ALMS1: variants seen among roughly 807,000 people sequenced by gnomAD.
The protein encoded by ALMS1 is centrosome-associated protein ALMS1.
Under a neutral mutation model 352.2 loss-of-function variants are expected in ALMS1, and 271 were observed. The ratio of observed to expected loss-of-function variants is 0.77; its 90% confidence interval spans 0.70 to 0.85. ALMS1 has a LOEUF of 0.85. ALMS1 is among the 40% of genes least tolerant of loss of function. The pLI is 0.00. For synonymous variants in ALMS1, 1,865 were observed against 1,761.2 expected, an observed-to-expected ratio of 1.06 and a Z score of -1.48; for missense variants, 5,445 against 4,870.7, an observed-to-expected ratio of 1.12 and a Z score of -3.51.
chr2:73,572,467 T>G lies in ALMS1; in HGVS notation c.10590T>G (p.Leu3530=). The change falls in exon 16 of 23, where the codon CTT becomes CTG. Residue 3530 remains leucine, a synonymous_variant. Coordinates refer to ENST00000613296, the MANE Select transcript of ALMS1 (RefSeq NM_001378454.1). ...DKHREHMCLP[L]PYQNMDKTKT... is the part of the protein sequence containing the mutation. ...ATAGAGAACACATGTGTCTTCCTCT[T>G]CCTTATCAAAACATGGACAAGACTA... 1.9e-6 allele frequency: 3 copies of G among 1,613,994 alleles called. No homozygotes were observed. Among genetic ancestry groups the G allele is most frequent in the Non-Finnish European group, 2.5e-6 (3 of 1,179,986 alleles).
rs1327120776 is a variant in ALMS1, at chr2:73,448,031, G to T, written c.1504G>T (p.Val502Phe). 1.2e-6 allele frequency: 2 copies of T among 1,613,936 alleles called. No homozygotes were observed. The highest frequency in any genetic ancestry group is 1.3e-5 in the African/African-American group (1 of 75,030). ...GAAGTCAGGCATCACTACCACTCCT[G>T]TTGATTCAGACATTGGATCTCATTT... ...NLKSGITTTP[V>F]DSDIGSHLSL... The change falls in exon 8 of 23, where the codon GTT becomes TTT. Residue 502 changes from valine (V) to phenylalanine (F), a missense_variant. Transcript: ENST00000613296.
intron 16 of ALMS1, among the ~76,000 whole-genome samples, chr2:73,593,314 G>C (rs1437486812): frequency 1.3e-5 from 2 of 152,092 alleles, no homozygotes; most frequent in Non-Finnish European, 2.9e-5. Flanking sequence ...CACATGGCAC[G>C]GTTCTGACAG....
At chr2:73,469,493 ACT>A (rs1001863951) in intron 9 of ALMS1, 2 of 151,876 alleles carry the variant, frequency 1.3e-5, no homozygotes, top group African/African-American at 4.8e-5. Context: ...ATAACATATA[ACT>A]CTCGTTAGGT....
chr2:73,601,824 C>A (rs1224187647), intron 19 of ALMS1, among the ~76,000 whole-genome samples: 1 of 152,196 alleles, frequency 6.6e-6, no homozygotes, highest in Admixed American at 6.5e-5. Flanking sequence ...GAAACCAGGT[C>A]TCTTCTGATG....
intron 12 of ALMS1, among the ~76,000 whole-genome samples, chr2:73,535,735 A>C (rs1674013589): frequency 1.3e-5 from 2 of 152,116 alleles, no homozygotes; most frequent in Admixed American, 1.3e-4. Context: ...TCCTATGGAG[A>C]TTTTAAGTTA....
intron 16 of ALMS1, among the ~76,000 whole-genome samples, chr2:73,588,156 A>C (rs1372421312): frequency 6.6e-6 from 1 of 152,224 alleles, no homozygotes; most frequent in Non-Finnish European, 1.5e-5. Context: ...ATCCTCCTTA[A>C]ATCATTATGT....
At chr2:73,532,760 T>A (rs1408746780) in intron 11 of ALMS1, among the ~76,000 whole-genome samples, 1 of 151,812 alleles carries the variant, frequency 6.6e-6, no homozygotes, top group Non-Finnish European at 1.5e-5. Flanking sequence ...CAAAACAAAG[T>A]CCTATTTAAT....
At chr2:73,573,576 C>A in intron 16 of ALMS1, 152 bp downstream of exon 16, 1 of 793,506 alleles carries the variant, frequency 1.3e-6, no homozygotes, top group Non-Finnish European at 2.2e-6. Flanking sequence ...AAGTGTAGTA[C>A]AGTGCTATTG....
At position 73,432,297 on chromosome 2, in the gene ALMS1, T is replaced by C; in HGVS notation, c.1432+6T>C. On this transcript the variant is annotated splice_donor_region_variant and intron_variant, in intron 7 of 22. Coordinates refer to ENST00000613296, the MANE Select transcript of ALMS1 (RefSeq NM_001378454.1). ...TCCTAAACATTTAAAAGCAGGTACGTAGAAAAAGGAGATAGTAAATGTCCT... is the reference window on the plus strand; with the variant it reads ...TCCTAAACATTTAAAAGCAGGTACGCAGAAAAAGGAGATAGTAAATGTCCT... The C allele has an allele frequency of 6.3e-7, 1 of 1,597,424 alleles. No individual in the cohort carries two copies. The highest frequency in any genetic ancestry group is 1.3e-5 in the African/African-American group (1 of 74,678).
Position 73,609,828 on chromosome 2 carries a change from G to T in ALMS1, c.*216G>T. ...GCATAGTGGCCTTGTCCAATGGCCTGTGTGTTACAATGATATGATCATTTC... is the reference window on the plus strand; with the variant it reads ...GCATAGTGGCCTTGTCCAATGGCCTTTGTGTTACAATGATATGATCATTTC... On this transcript the variant is annotated 3_prime_UTR_variant, in exon 23 of 23. Coordinates refer to ENST00000613296, the MANE Select transcript of ALMS1 (RefSeq NM_001378454.1). The T allele has an allele frequency of 1.8e-6, 1 of 561,986 alleles. No individual in the cohort carries two copies. The highest frequency in any genetic ancestry group is 3.1e-5 in the East Asian group (1 of 32,222). The allele number at this position is 561,986 out of a possible 1,614,324, so 34.8% of individuals were successfully genotyped here.
At chr2:73,432,312 G>T (rs755499539) in intron 7 of ALMS1, 21 bp downstream of exon 7, 1 of 1,544,496 alleles carries the variant, frequency 6.5e-7, no homozygotes, top group Non-Finnish European at 9.0e-7. Flanking sequence ...AAAGGAGATA[G>T]TAAATGTCCT....
chr2:73,591,148 T>C (rs1675424913), intron 16 of ALMS1, among the ~76,000 whole-genome samples: 1 of 152,158 alleles, frequency 6.6e-6, no homozygotes, highest in African/African-American at 2.4e-5. Flanking sequence ...TGTGTTAATA[T>C]TGGAATAAAT....
rs1572964646 is a variant in ALMS1 at position 73,485,220 on chromosome 2, T to C, written c.7675-4414T>C. Among the ~76,000 whole-genome samples the C allele has an allele frequency of 3.3e-5, 5 of 152,356 alleles. 2 individuals are homozygous for C. The highest frequency in any genetic ancestry group is 3.3e-4 in the Admixed American group (5 of 15,308). On this transcript the variant is annotated intron_variant, in intron 9 of 22. Transcript: ENST00000613296. ...TCTTTGTGGTTTTATCTACTTTTGG[T>C]CTTTGATGATGGTGATGTACAGATG...
rs572496375 is a variant in ALMS1 at position 73,419,046 on chromosome 2, G to A, written c.451-77G>A. ...TAGGAAGCTATATAATACATGAGTG[G>A]ACATTTTCATCTAAATATTAATATG... is the stretch of plus-strand genomic sequence containing the variant. On this transcript the variant is annotated intron_variant, in intron 2 of 22. Transcript: ENST00000613296. 6.4e-5 allele frequency: 78 copies of A among 1,214,716 alleles called. No individual in the cohort carries two copies. In the South Asian group the frequency reaches 8.7e-4, roughly 14 times the overall value. The allele number at this position is 1,214,716 out of a possible 1,614,324, so 75.2% of individuals were successfully genotyped here.
rs575305602 is a variant in ALMS1, at chr2:73,519,872, C to G, written c.9637C>G (p.Leu3213Val). ...AACAACAGAAAGTCCAGAAAAGACC[C>G]TATTTTCATCTGAGATTTTTATTAA... ...QITTESPEKT[L>V]FSSEIFINAE... The change falls in exon 11 of 23, where the codon CTA becomes GTA. Residue 3213 changes from leucine to valine, a missense_variant. By Grantham distance (32) the Leu-to-Val change is conservative. Transcript: ENST00000613296. The G allele has an allele frequency of 3.9e-5, 63 of 1,614,076 alleles. No individual in the cohort carries two copies. The South Asian group carries it at 6.4e-4, about 16-fold the overall frequency.
At chr2:73,544,588 C>T (rs1674272270) in intron 12 of ALMS1, among the ~76,000 whole-genome samples, 1 of 152,082 alleles carries the variant, frequency 6.6e-6, no homozygotes, top group African/African-American at 2.4e-5. Flanking sequence ...AAATTGGAAC[C>T]ATTGCTTATT....
Position 73,453,645 on chromosome 2 carries a change from C to T in ALMS1, c.7118C>T (p.Ala2373Val), listed in dbSNP as rs1225085023. 1.9e-6 allele frequency: 3 copies of T among 1,613,976 alleles called. No homozygotes were observed. Among genetic ancestry groups the T allele is most frequent in the Non-Finnish European group, 1.7e-6 (2 of 1,179,980 alleles). The change falls in exon 8 of 23, where the codon GCA becomes GTA. Residue 2373 changes from alanine (A) to valine (V), a missense_variant. Ala to Val is a moderately conservative substitution (Grantham distance 64, BLOSUM62 0). Coordinates refer to ENST00000613296, the MANE Select transcript of ALMS1 (RefSeq NM_001378454.1). ...GAAGCAGAGAGCAAAGTCAGTATGG[C>T]ATTAGAAGAAACTCTTAGGCAATAT... ...LQEAESKVSM[A>V]LEETLRQYQA...
rs574149547 is a variant in ALMS1, at chr2:73,508,326, C to T, written c.9540-11449C>T. Among the ~76,000 whole-genome samples, 44 of 151,782 alleles carry T rather than the reference C, an allele frequency of 2.9e-4. 1 individual carries two copies. Among genetic ancestry groups the T allele is most frequent in the Non-Finnish European group, 5.6e-4 (38 of 67,924 alleles). ...CACGCCATTCTCCTGCCTCTGCCTC[C>T]CAAGTAGCTGGGACTACAGGTGCCT... On this transcript the variant is annotated intron_variant, in intron 10 of 22. Transcript: ENST00000613296.
At position 73,449,367 on chromosome 2, in the gene ALMS1, C is replaced by T. The variant is rs576877900; in HGVS notation, c.2840C>T (p.Thr947Ile). The T allele has an allele frequency of 6.2e-6, 10 of 1,614,092 alleles. No individual in the cohort carries two copies. Among genetic ancestry groups the T allele is most frequent in the East Asian group, 4.5e-5 (2 of 44,882 alleles). ...GTATTGGCTGCCCAGAAGACTGGGA[C>T]ACCAACAGTGTCCTCTAATTCTCAC... ...VSVLAAQKTG[T>I]PTVSSNSHSH... Residue 947 changes from threonine to isoleucine, a missense_variant, in exon 8 of 23, where the codon ACA becomes ATA. Transcript: ENST00000613296.
Sources: allele counts gnomAD v4.1 joint callset (sites outside exome capture counted in the v4.1 genomes callset), GRCh38; gene constraint gnomAD v4.1.1; transcripts MANE v1.5; gene names NCBI Gene and HGNC (gene_info 2026-07-23, HGNC 2026-07-21).